The following ACOX1 variants were observed in gnomAD, a reference collection of about 807,000 sequenced individuals.
The protein encoded by ACOX1 is acyl-CoA oxidase 1.
ACOX1 carries 41 observed loss-of-function variants against 75.5 expected under a neutral mutation model. The observed-to-expected ratio is 0.54, with a 90% CI of 0.42 to 0.70. ACOX1 has a LOEUF of 0.70. Ranked by LOEUF, ACOX1 falls within the 30% of genes least tolerant of loss-of-function variation. ACOX1 has a pLI of 0.00. For missense variants in ACOX1, 630 were observed against 837.5 expected (o/e 0.75, Z 3.06); for synonymous variants, 303 against 298.8 (o/e 1.01, Z -0.15).
intron 4 of ACOX1, among the ~76,000 whole-genome samples, chr17:75,956,592 G>A (rs1452487726): frequency 6.6e-6 from 1 of 151,442 alleles, no homozygotes; most frequent in African/African-American, 2.4e-5. Flanking sequence ...GGAGGCTGAG[G>A]CAGGAGAATC....
chr17:75,958,769 C>A (rs12601118), intron 3 of ACOX1, among the ~76,000 whole-genome samples: 15,842 of 147,682 alleles, frequency 0.11, 976 homozygotes, highest in East Asian at 0.17. Context: ...GATCGCGCCA[C>A]TGCACTCCAG....
In ACOX1 at chr17:75,960,237, A is replaced by G. The variant is rs779313800; in HGVS notation, c.408T>C (p.Tyr136=). The G allele has an allele frequency of 5.6e-6, 9 of 1,614,152 alleles. No individual in the cohort carries two copies. The highest frequency in any genetic ancestry group is 1.1e-5 in the South Asian group (1 of 91,088). ...PAWNLEIIGT[Y]AQTEMGHGTH... ...TACCATGACCCATCTCTGTCTGGGCATAAGTGCCAATGATCTCCAAGTTCC... is the reference window on the plus strand; with the variant it reads ...TACCATGACCCATCTCTGTCTGGGCGTAAGTGCCAATGATCTCCAAGTTCC... The change falls in exon 3 of 14, where the codon TAT becomes TAC. Residue 136 remains tyrosine, a synonymous_variant. Transcript: ENST00000293217. This position sits in a 1 kb window ranked among gnomAD's most constrained non-coding sequence, Gnocchi z 4.4.
intron 2 of ACOX1, among the ~76,000 whole-genome samples, chr17:75,967,783 C>T (rs1459538286): frequency 1.3e-5 from 2 of 149,828 alleles, no homozygotes; most frequent in Non-Finnish European, 3.0e-5. Context: ...CTCTGTCACC[C>T]AGGCTGGAGT....
At chr17:75,951,264 C>A in intron 8 of ACOX1, 151 bp downstream of exon 8, 1 of 936,376 alleles carries the variant, frequency 1.1e-6, no homozygotes, top group East Asian at 2.6e-5. Flanking sequence ...CCCCACAGAT[C>A]TTCATATCTG....
chr17:75,978,690 T>C lies in ACOX1; in HGVS notation c.113A>G (p.Asn38Ser). 1 of 1,613,940 alleles carries C rather than the reference T, an allele frequency of 6.2e-7. No individual in the cohort carries two copies. Among genetic ancestry groups the C allele is most frequent in the Non-Finnish European group, 8.5e-7 (1 of 1,180,018 alleles). ...GAAGTCTGGGTCGTTCAGGATCATG[T>C]TCTCTGAAAGGGGGTTAAAGGGCAT... Reference protein sequence around the residue: ...EKTRRRREIENMILNDPDFQH... With the variant: ...EKTRRRREIESMILNDPDFQH... Residue 38 changes from asparagine (N) to serine (S), a missense_variant, in exon 2 of 14, where the codon AAC becomes AGC. Physicochemically the swap from Asn to Ser is conservative, Grantham distance 46. This residue lies in a region of ACOX1 where 390 missense variants were observed against 574.9 expected (regional missense o/e 0.68). Transcript: ENST00000293217. This position sits in a 1 kb window ranked among gnomAD's most constrained non-coding sequence, Gnocchi z 4.2.
intron 8 of ACOX1, 142 bp downstream of exon 8, chr17:75,951,273 T>C (rs2065771389): frequency 1.0e-6 from 1 of 992,686 alleles, no homozygotes; most frequent in Non-Finnish European, 1.5e-6. Flanking sequence ...TCTTCATATC[T>C]GATCTACTTT....
chr17:75,960,200 C>T lies in ACOX1; in HGVS notation c.430+15G>A. ...GGGCCCGCCCAACCCAGAAGGTAGA[C>T]TGAATACTCCATACCATGACCCATC... On this transcript the variant is annotated intron_variant, in intron 3 of 13. Coordinates refer to ENST00000293217, the MANE Select transcript of ACOX1 (RefSeq NM_004035.7). This position sits in a 1 kb window ranked among gnomAD's most constrained non-coding sequence, Gnocchi z 4.4. 3 of 1,613,988 alleles carry T rather than the reference C, an allele frequency of 1.9e-6. No homozygotes were observed. The highest frequency in any genetic ancestry group is 2.5e-6 in the Non-Finnish European group (3 of 1,179,900).
chr17:75,949,985 G>A, intron 9 of ACOX1, 88 bp from the exon 10 acceptor site: 1 of 1,449,418 alleles, frequency 6.9e-7, no homozygotes, highest in Non-Finnish European at 9.5e-7. Flanking sequence ...GCCTAGGCTG[G>A]ATGGAGTGCA....
Position 75,950,979 on chromosome 17 carries a change from A to G in ACOX1, c.1108-15T>C, listed in dbSNP as rs756847030. The G allele has an allele frequency of 2.5e-6, 4 of 1,613,020 alleles. No homozygotes were observed. The highest frequency in any genetic ancestry group is 3.4e-6 in the Non-Finnish European group (4 of 1,179,616). On this transcript the variant is annotated splice_polypyrimidine_tract_variant and intron_variant, in intron 8 of 13. Transcript: ENST00000293217. This position sits in a 1 kb window ranked among gnomAD's most constrained non-coding sequence, Gnocchi z 4.3. ...AGGGCATGAAGCTGAGAGGACAAGC[A>G]CAGATCTGTCAGGACATCTGTGGTG...
In ACOX1 at chr17:75,978,082, CTTTATTTATTTA is replaced by C. The variant is rs149370934; in HGVS notation, c.269+440_269+451del. 6.6e-6 allele frequency among the ~76,000 whole-genome samples: 1 copy of C among 151,402 alleles called. No individual in the cohort carries two copies. The highest frequency in any genetic ancestry group is 1.5e-5 in the Non-Finnish European group (1 of 67,888). ...ATCACATTATTTTTCACACATATAA[CTTTATTTATTTA>C]TTTATTTATTTATTTTTTGAGATGG... On this transcript the variant is annotated intron_variant, in intron 2 of 13. Transcript: ENST00000293217. The surrounding 1 kb of genome is among the most constrained non-coding windows in gnomAD (Gnocchi z 4.2).
At position 75,960,303 on chromosome 17, in the gene ACOX1, C is replaced by G; in HGVS notation, c.342G>C (p.Gln114His). 6.2e-7 allele frequency: 1 copy of G among 1,614,232 alleles called. No individual in the cohort carries two copies. Among genetic ancestry groups the G allele is most frequent in the Non-Finnish European group, 8.5e-7 (1 of 1,180,054 alleles). Residue 114 changes from glutamine to histidine, a missense_variant, in exon 3 of 14, where the codon CAG becomes CAC. Gln to His is a conservative substitution (Grantham distance 24). Coordinates refer to ENST00000293217, the MANE Select transcript of ACOX1 (RefSeq NM_004035.7). The surrounding 1 kb of genome is among the most constrained non-coding windows in gnomAD (Gnocchi z 4.4). The stretch of plus-strand genomic sequence containing the variant: ...AGCGCTCCTGCTGCTCCGCAGTTGC[C>G]TGGTGAAGCAAGGTGGGCAGGAACA... ...LGMFLPTLLH[Q>H]ATAEQQERFF...
Position 75,978,930 on chromosome 17 carries a change from C to T in ACOX1, c.109+35G>A. On this transcript the variant is annotated intron_variant, in intron 1 of 13. Coordinates refer to ENST00000293217, the MANE Select transcript of ACOX1 (RefSeq NM_004035.7). This position sits in a 1 kb window ranked among gnomAD's most constrained non-coding sequence, Gnocchi z 4.2. The stretch of plus-strand genomic sequence containing the variant: ...CATCGAGGGAGTCTCCAGCTTTTCT[C>T]GGGAAAGGAGGGAGGTCTCGCCCGC... 1 of 1,606,662 alleles carries T rather than the reference C, an allele frequency of 6.2e-7. No homozygotes were observed. Among genetic ancestry groups the T allele is most frequent in the Non-Finnish European group, 8.5e-7 (1 of 1,179,498 alleles).
chr17:75,963,594 G>A (rs2065904981), intron 2 of ACOX1, among the ~76,000 whole-genome samples: 1 of 152,014 alleles, frequency 6.6e-6, no homozygotes, highest in African/African-American at 2.4e-5. Context: ...AGCTACTCGG[G>A]AGGCTGGGGT....
rs2065722458 is a variant in ACOX1 at position 75,946,616 on chromosome 17, T to G, written c.*132A>C. 1 of 771,940 alleles carries G rather than the reference T, an allele frequency of 1.3e-6. No homozygotes were observed. Among genetic ancestry groups the G allele is most frequent in the Admixed American group, 2.1e-5 (1 of 47,040 alleles). 47.8% of individuals were successfully genotyped at this position (771,940 alleles called of 1,614,324 possible). ...TTTAATCTCTGAAATCTGTTCATTTTTTCCCTCCATTTATAAAAAGGGGTC... is the reference window on the plus strand; with the variant it reads ...TTTAATCTCTGAAATCTGTTCATTTGTTCCCTCCATTTATAAAAAGGGGTC... On this transcript the variant is annotated 3_prime_UTR_variant, in exon 14 of 14. Coordinates refer to ENST00000293217, the MANE Select transcript of ACOX1 (RefSeq NM_004035.7).
intron 2 of ACOX1, among the ~76,000 whole-genome samples, chr17:75,972,820 T>A (rs1226803660): frequency 6.6e-6 from 1 of 152,030 alleles, no homozygotes; most frequent in Non-Finnish European, 1.5e-5. Context: ...TAAATAACAT[T>A]TTCCTTAAAC....
chr17:75,952,342 T>C (rs368368985), intron 7 of ACOX1, among the ~76,000 whole-genome samples: 3 of 152,062 alleles, frequency 2.0e-5, no homozygotes, highest in African/African-American at 7.2e-5. Flanking sequence ...ACACCCAGGA[T>C]GGAGTGCAGT....
intron 2 of ACOX1, among the ~76,000 whole-genome samples, chr17:75,962,027 AT>A (rs941350321): frequency 2.0e-5 from 3 of 151,838 alleles, no homozygotes; most frequent in East Asian, 3.9e-4. Context: ...CTAGGCTGGG[AT>A]TTTTTTTCTG....
intron 2 of ACOX1, among the ~76,000 whole-genome samples, chr17:75,974,714 C>T (rs1437357499): frequency 2.2e-4 from 33 of 152,028 alleles, no homozygotes; most frequent in Admixed American, 2.2e-3. Context: ...GCTGGGGGAC[C>T]CTGAAACCAA....
rs1187124554 is a variant in ACOX1 at position 75,942,726 on chromosome 17, C to T, written c.*4022G>A. ...ATATATCCCAGGCATACCCTCTACA[C>T]GTATAAAAAGATGTGCAGGTGTTAC... On this transcript the variant is annotated 3_prime_UTR_variant, in exon 14 of 14. Transcript: ENST00000293217. 6.6e-6 allele frequency: 1 copy of T among 151,948 alleles called. No individual in the cohort carries two copies. Among genetic ancestry groups the T allele is most frequent in the South Asian group, 2.1e-4 (1 of 4,826 alleles). The allele number at this position is 151,948 out of a possible 1,614,324, so 9.4% of individuals were successfully genotyped here.
Sources: gnomAD v4.1 joint callset for allele counts (sites outside exome capture counted in the v4.1 genomes callset) on GRCh38, gnomAD v4.1.1 for gene constraint, gnomAD v4.1.1 regional missense constraint, Gnocchi (gnomAD v3.1) non-coding constraint, MANE v1.5 for transcripts, NCBI Gene and HGNC (gene_info 2026-07-23, HGNC 2026-07-21) for gene names.